Variants in SMOC1 observed in about 807,000 individuals in gnomAD.
SMOC1 encodes the protein SPARC-related modular calcium-binding protein 1.
SMOC1 carries 22 observed loss-of-function variants against 56.3 expected under a neutral mutation model. That is an observed-to-expected ratio of 0.39 (90% confidence interval 0.28 to 0.56). SMOC1 has a LOEUF of 0.56. Among genes scored for constraint, SMOC1 ranks in the 20% least tolerant of loss-of-function variants. The pLI, the probability that SMOC1 is intolerant of heterozygous loss-of-function variation, is 0.61. For synonymous variants in SMOC1, 193 were observed against 215.0 expected (o/e 0.90, Z 0.89); for missense variants, 509 against 565.4 (o/e 0.90, Z 1.01).
intron 7 of SMOC1, among the ~76,000 whole-genome samples, chr14:69,999,789 A>G (rs1884901659): frequency 6.6e-6 from 1 of 152,172 alleles, no homozygotes; most frequent in South Asian, 2.1e-4. Context: ...CTAGCCGCAC[A>G]GTCCATTTTT....
chr14:69,887,855 G>A (rs1301932066), intron 1 of SMOC1, among the ~76,000 whole-genome samples: 1 of 152,174 alleles, frequency 6.6e-6, no homozygotes, highest in Non-Finnish European at 1.5e-5. Context: ...TTATTTGCCA[G>A]TGGGGCCTGT....
At chr14:69,974,234 G>A (rs1883878434) in intron 3 of SMOC1, among the ~76,000 whole-genome samples, 1 of 152,152 alleles carries the variant, frequency 6.6e-6, no homozygotes, top group African/African-American at 2.4e-5. Context: ...ACAGTGATAA[G>A]GGCTGTGATT....
Position 69,975,821 on chromosome 14 carries a change from T to A in SMOC1, c.478+7T>A, listed in dbSNP as rs774069963. 6.2e-7 allele frequency: 1 copy of A among 1,600,356 alleles called. No homozygotes were observed. The highest frequency in any genetic ancestry group is 8.6e-7 in the Non-Finnish European group (1 of 1,169,354). On this transcript the variant is annotated splice_region_variant and intron_variant, in intron 4 of 11. Transcript: ENST00000361956. ...AAAACTCCTGTATGTTCAGGTACCG[T>A]AGGGAGGGGCGGGAAGAATGAAAAG... is the stretch of plus-strand genomic sequence containing the variant.
chr14:69,880,319 G>A (rs940857581), intron 1 of SMOC1, among the ~76,000 whole-genome samples: 3 of 152,114 alleles, frequency 2.0e-5, no homozygotes, highest in African/African-American at 4.8e-5. Context: ...ACCTCCTGCC[G>A]GGCAGGCACT....
intron 1 of SMOC1, among the ~76,000 whole-genome samples, chr14:69,911,021 T>A (rs1884543256): frequency 6.6e-6 from 1 of 152,184 alleles, no homozygotes; most frequent in Non-Finnish European, 1.5e-5. Flanking sequence ...CCTCAAGTCC[T>A]GGGAGTTGGG....
intron 3 of SMOC1, among the ~76,000 whole-genome samples, chr14:69,959,625 A>G (rs1883301308): frequency 6.6e-6 from 1 of 151,650 alleles, no homozygotes; most frequent in African/African-American, 2.4e-5. Context: ...CCCCTCCAAC[A>G]GTGCACACAT....
chr14:69,964,312 G>C (rs1199395267), intron 3 of SMOC1, among the ~76,000 whole-genome samples: 1 of 152,106 alleles, frequency 6.6e-6, no homozygotes, highest in Admixed American at 6.5e-5. Context: ...TCCTGCTCTG[G>C]CTTTCCTGCT....
At chr14:69,935,648 T>A (rs1256116350) in intron 1 of SMOC1, among the ~76,000 whole-genome samples, 1 of 152,174 alleles carries the variant, frequency 6.6e-6, no homozygotes, top group Non-Finnish European at 1.5e-5. Flanking sequence ...AAGAACCTCC[T>A]CCAAGGAGCT....
At chr14:69,910,021 C>A (rs1310975420) in intron 1 of SMOC1, among the ~76,000 whole-genome samples, 1 of 152,174 alleles carries the variant, frequency 6.6e-6, no homozygotes, top group Non-Finnish European at 1.5e-5. Flanking sequence ...TTCCTCCTGG[C>A]GACAGATCAT....
chr14:70,009,704 C>A (rs1451748733), intron 7 of SMOC1, among the ~76,000 whole-genome samples: 1 of 152,096 alleles, frequency 6.6e-6, no homozygotes, highest in Non-Finnish European at 1.5e-5. Flanking sequence ...TGATGTGATT[C>A]TTTTGTTATC....
intron 5 of SMOC1, among the ~76,000 whole-genome samples, chr14:69,990,785 A>G (rs139223520): frequency 6.6e-5 from 10 of 152,308 alleles, no homozygotes; most frequent in Admixed American, 2.0e-4. Flanking sequence ...TTCCTGCTAC[A>G]TCTCATTTCT....
chr14:70,003,309 G>A (rs1594849810), intron 7 of SMOC1, among the ~76,000 whole-genome samples: 2 of 152,146 alleles, frequency 1.3e-5, no homozygotes, highest in East Asian at 1.9e-4. Flanking sequence ...TGAAACCCAA[G>A]TAAGTGCCTC....
intron 1 of SMOC1, among the ~76,000 whole-genome samples, chr14:69,889,209 C>G (rs535222491): frequency 6.6e-6 from 1 of 152,278 alleles, no homozygotes; most frequent in East Asian, 1.9e-4. Context: ...CTGCTGGATA[C>G]CCCCATGTGC....
chr14:69,919,910 ACC>A (rs36119349), intron 1 of SMOC1, among the ~76,000 whole-genome samples: 2,616 of 116,340 alleles, frequency 0.022, 64 homozygotes, highest in African/African-American at 0.069. Flanking sequence ...GAACACAAAT[ACC>A]CCCCCCCCCC....
intron 1 of SMOC1, among the ~76,000 whole-genome samples, chr14:69,925,451 C>T (rs6573917): frequency 0.013 from 2,046 of 152,138 alleles, 33 homozygotes; most frequent in African/African-American, 0.039. Flanking sequence ...CACCTCCTCC[C>T]CTAGAGTCTC....
chr14:69,893,144 A>G (rs1235241690), intron 1 of SMOC1, among the ~76,000 whole-genome samples: 1 of 152,196 alleles, frequency 6.6e-6, no homozygotes, highest in Non-Finnish European at 1.5e-5. Context: ...AGTTAAATCA[A>G]TAGGTTTGAT....
chr14:70,009,476 C>G (rs1228634901), intron 7 of SMOC1, among the ~76,000 whole-genome samples: 2 of 152,190 alleles, frequency 1.3e-5, no homozygotes, highest in South Asian at 2.1e-4. Flanking sequence ...GAGTTGAGTG[C>G]TGTTGTTCAG....
At chr14:69,994,357 C>G (rs1211890264) in intron 6 of SMOC1, 43 bp from the exon 7 acceptor site, 6 of 1,489,770 alleles carry the variant, frequency 4.0e-6, no homozygotes, top group Non-Finnish European at 4.7e-6. Flanking sequence ...CTCACATAGT[C>G]TCTTTGCCCA....
At chr14:70,028,770 G>T (rs1247383488) in intron 11 of SMOC1, among the ~76,000 whole-genome samples, 2 of 152,150 alleles carry the variant, frequency 1.3e-5, no homozygotes, top group African/African-American at 2.4e-5. Context: ...CCTGCCTTGG[G>T]GCTGTCACCT....
Sources: gnomAD v4.1 joint callset for allele counts (sites outside exome capture counted in the v4.1 genomes callset) on GRCh38, gnomAD v4.1.1 for gene constraint, MANE v1.5 for transcripts, NCBI Gene and HGNC (gene_info 2026-07-23, HGNC 2026-07-21) for gene names.